Variants in C4orf50 observed in about 807,000 individuals in gnomAD.
C4orf50 encodes the protein uncharacterized protein C4orf50.
A neutral mutation model predicts 77.2 loss-of-function variants in C4orf50; 80 were observed. That is an observed-to-expected ratio of 1.04 (90% confidence interval 0.87 to 1.25). The LOEUF (loss-of-function observed/expected upper bound fraction) is 1.25. Among genes scored for constraint, C4orf50 ranks in the 50% most tolerant of loss-of-function variants. The pLI, the probability that C4orf50 is intolerant of heterozygous loss-of-function variation, is 0.00. For missense variants in C4orf50, 1,257 were observed against 1,152.9 expected, an observed-to-expected ratio of 1.09 and a Z score of -1.31; for synonymous variants, 532 against 465.3, an observed-to-expected ratio of 1.14 and a Z score of -1.84.
rs1430514374 is a variant in C4orf50, at chr4:5,970,274, C to T, written c.4105-2812G>A. ...CCAGGGGACAAGGCGGAATTAAGAACTCTAGAGAGGTTTTAGGAATCCGAG... is the reference window on the plus strand; with the variant it reads ...CCAGGGGACAAGGCGGAATTAAGAATTCTAGAGAGGTTTTAGGAATCCGAG... On this transcript the variant is annotated intron_variant, in intron 31 of 33. Coordinates refer to ENST00000531445, the Ensembl canonical transcript of C4orf50. This position sits in a 1 kb window ranked among gnomAD's most constrained non-coding sequence, Gnocchi z 4.3. Among the ~76,000 whole-genome samples, 1 of 152,082 alleles carries T rather than the reference C, an allele frequency of 6.6e-6. No homozygotes were observed. Among genetic ancestry groups the T allele is most frequent in the Admixed American group, 6.5e-5 (1 of 15,276 alleles).
At chr4:5,989,813 C>T in exon 28 of C4orf50, 1 of 1,495,818 alleles carries the variant, frequency 6.7e-7, no homozygotes, top group Non-Finnish European at 8.9e-7. Context: ...TCCTCGGGGG[C>T]ACCCCTGCAC....
intron 29 of C4orf50, among the ~76,000 whole-genome samples, 159 bp downstream of exon 7, chr4:5,980,015 G>GT (rs796334455): frequency 0.011 from 1,573 of 149,382 alleles, 19 homozygotes; most frequent in African/African-American, 0.036. Flanking sequence ...GTTTTTTGTT[G>GT]TTTTTTTTTT....
chr4:5,995,162 C>A (rs1324884290), intron 25 of C4orf50, among the ~76,000 whole-genome samples: 3 of 152,110 alleles, frequency 2.0e-5, no homozygotes, highest in Non-Finnish European at 2.9e-5. Context: ...AGGTCCAGGG[C>A]CTCCTCCCTG....
chr4:5,997,130 G>A (rs1455476992), intron 25 of C4orf50, among the ~76,000 whole-genome samples: 1 of 152,174 alleles, frequency 6.6e-6, no homozygotes, highest in Non-Finnish European at 1.5e-5. Flanking sequence ...GAAGAGGAAG[G>A]ACTAGATAAA....
intron 7 of C4orf50, among the ~76,000 whole-genome samples, chr4:5,922,382 A>G (rs1158370862): frequency 6.6e-6 from 1 of 152,172 alleles, no homozygotes; most frequent in East Asian, 1.9e-4. Flanking sequence ...GGGTCGGGTA[A>G]CTCATACCTG....
Position 6,008,446 on chromosome 4 carries a change from C to A in C4orf50, c.513G>T (p.Gly171=). The stretch of plus-strand genomic sequence containing the variant: ...AGCGCTCCAGGGCCGCCGCCTGCTG[C>A]CCCAGTGCCTCGTCCTTGCGCCGCA... The change falls in exon 25 of 34, where the codon GGG becomes GGT. Residue 171 remains glycine (G), a synonymous_variant. Transcript: ENST00000531445. The surrounding 1 kb of genome is among the most constrained non-coding windows in gnomAD (Gnocchi z 6.0). 1 of 397,200 alleles carries A rather than the reference C, an allele frequency of 2.5e-6. No individual in the cohort carries two copies. The highest frequency in any genetic ancestry group is 1.3e-4 in the South Asian group (1 of 7,854). The allele number at this position is 397,200 out of a possible 1,614,324, so 24.6% of individuals were successfully genotyped here.
At chr4:5,978,849 C>T (rs1720420078) in intron 29 of C4orf50, among the ~76,000 whole-genome samples, 1 of 152,212 alleles carries the variant, frequency 6.6e-6, no homozygotes, top group Non-Finnish European at 1.5e-5. Context: ...GATTACTACA[C>T]AAACAATCAT....
intron 7 of C4orf50, among the ~76,000 whole-genome samples, chr4:5,913,559 G>T (rs1391700775): frequency 2.6e-5 from 4 of 152,178 alleles, no homozygotes; most frequent in African/African-American, 9.7e-5. Flanking sequence ...CTAATATTTT[G>T]TTTCAATATC....
intron 7 of C4orf50, among the ~76,000 whole-genome samples, chr4:5,912,338 G>C (rs901968011): frequency 1.3e-5 from 2 of 151,930 alleles, no homozygotes; most frequent in African/African-American, 4.8e-5. Context: ...ATGGATGCAT[G>C]AATGAATGAG....
chr4:5,917,165 G>A (rs2108734719), intron 7 of C4orf50, among the ~76,000 whole-genome samples: 1 of 152,306 alleles, frequency 6.6e-6, no homozygotes, highest in Non-Finnish European at 1.5e-5. Flanking sequence ...TGAGGAAGCT[G>A]AGGCTCAAGA....
intron 7 of C4orf50, among the ~76,000 whole-genome samples, chr4:5,949,946 G>A (rs968157829): frequency 5.0e-5 from 7 of 139,150 alleles, no homozygotes; most frequent in Admixed American, 8.1e-5. Context: ...CCAAGATCGC[G>A]CCATTGCACT....
rs938390178 is a variant in C4orf50, at chr4:5,916,237, G to A, written c.*2475-18049C>T. 6.6e-6 allele frequency among the ~76,000 whole-genome samples: 1 copy of A among 152,206 alleles called. No individual in the cohort carries two copies. The highest frequency in any genetic ancestry group is 1.5e-5 in the Non-Finnish European group (1 of 68,040). On this transcript the variant is annotated intron_variant, in intron 7 of 7. Coordinates refer to the C4orf50 transcript ENST00000324058. The surrounding 1 kb of genome is among the most constrained non-coding windows in gnomAD (Gnocchi z 4.4). The stretch of plus-strand genomic sequence containing the variant: ...GGAACAGACGCACCAACAGCTCCTG[G>A]TTACTCTGGGGGGCCCATGCACAGA...
At chr4:5,976,457 GA>G (rs138450804) in intron 29 of C4orf50, among the ~76,000 whole-genome samples, 16,982 of 92,610 alleles carry the variant, frequency 0.18, 1,221 homozygotes, top group East Asian at 0.56. Context: ...CTCTGTCTCG[GA>G]AAAAAAAAAA....
At chr4:5,898,328 C>A (rs1475374312) in intron 7 of C4orf50, 6 of 152,242 alleles carry the variant, frequency 3.9e-5, no homozygotes, top group Admixed American at 1.3e-4. Context: ...AGACCCCAGC[C>A]TCCCACCAAA....
intron 7 of C4orf50, chr4:5,898,722 G>A (rs549134601): frequency 6.6e-6 from 1 of 152,238 alleles, no homozygotes; most frequent in African/African-American, 2.4e-5. Context: ...TTAGTATCAA[G>A]TTTTCAGCCA....
intron 7 of C4orf50, among the ~76,000 whole-genome samples, chr4:5,951,199 G>A (rs576965386): frequency 1.1e-4 from 17 of 152,286 alleles, no homozygotes; most frequent in Admixed American, 8.5e-4. Flanking sequence ...TGCCATGAGC[G>A]TCCTCTTTAC....
At chr4:5,984,074 G>A (rs766808931) in intron 28 of C4orf50, among the ~76,000 whole-genome samples, 12 of 152,344 alleles carry the variant, frequency 7.9e-5, no homozygotes, top group African/African-American at 2.4e-4. Context: ...ATATCACTGA[G>A]AGGCCATGCC....
Position 5,917,078 on chromosome 4 carries a change from G to A in C4orf50, c.*2475-18890C>T, listed in dbSNP as rs549494735. Among the ~76,000 whole-genome samples the A allele has an allele frequency of 5.0e-4, 76 of 152,104 alleles. 1 individual carries two copies. The highest frequency in any genetic ancestry group is 8.4e-4 in the Non-Finnish European group (57 of 68,026). On this transcript the variant is annotated intron_variant, in intron 7 of 7. Coordinates refer to the C4orf50 transcript ENST00000324058. Reference sequence around the variant, plus strand: ...TCCAGATCACGTACATCATGCCTACGCTACCAGAGGCCCCCACATTTTTTG... The same window carrying A: ...TCCAGATCACGTACATCATGCCTACACTACCAGAGGCCCCCACATTTTTTG...
rs766230733 is a variant in C4orf50 at position 5,988,715 on chromosome 4, G to A, written c.3331C>T (p.Gln1111Ter). ...TCCCTTCCCCTCACCAAACGCCCCT[G>A]ATCCGTGCTCCTCTGCAAGGTGACT... is the stretch of plus-strand genomic sequence containing the variant. Residue 1111 changes from glutamine (Q) to a stop codon, truncating the protein, a stop_gained, in exon 28 of 34, where the codon CAG becomes TAG. Coordinates refer to ENST00000531445, the Ensembl canonical transcript of C4orf50. LOFTEE classifies it high-confidence loss of function. The A allele has an allele frequency of 1.3e-6, 2 of 1,536,078 alleles. No individual in the cohort carries two copies. Among genetic ancestry groups the A allele is most frequent in the South Asian group, 1.2e-5 (1 of 84,044 alleles).
Sources: gnomAD v4.1 joint callset for allele counts (sites outside exome capture counted in the v4.1 genomes callset) on GRCh38, gnomAD v4.1.1 for gene constraint, Gnocchi (gnomAD v3.1) non-coding constraint, MANE v1.5 for transcripts, NCBI Gene and HGNC (gene_info 2026-07-23, HGNC 2026-07-21) for gene names.